The following FANCB variants were observed in gnomAD, a reference collection of about 807,000 sequenced individuals.
FANCB encodes the protein FA complementation group B, also known as Fanconi anemia group B protein.
In FANCB, 5 loss-of-function variants were observed where a neutral mutation model predicts 38.9. The observed-to-expected ratio is 0.13, with a 90% CI of 0.07 to 0.27. The LOEUF (loss-of-function observed/expected upper bound fraction) is 0.27, where lower values mean the gene tolerates loss of function less well. Ranked by LOEUF, FANCB falls within the 10% of genes least tolerant of loss-of-function variation. The pLI, the probability that FANCB is intolerant of heterozygous loss-of-function variation, is 1.00. For missense variants in FANCB, 573 were observed against 602.7 expected, an observed-to-expected ratio of 0.95 and a Z score of 0.52; for synonymous variants, 236 against 215.4, an observed-to-expected ratio of 1.10 and a Z score of -0.84.
At chrX:14,820,766 A>AC in the FANCB span, among the ~76,000 whole-genome samples, 1 of 111,806 alleles carries the variant, frequency 8.9e-6, no homozygotes, top group Admixed American at 9.5e-5. Flanking sequence ...TTTATAAAAA[A>AC]AATTGTATTT....
the FANCB span, among the ~76,000 whole-genome samples, chrX:14,732,211 A>AACTC: frequency 8.9e-6 from 1 of 111,917 alleles, no homozygotes; most frequent in African/African-American, 3.2e-5. Flanking sequence ...AAAGGACATG[A>AACTC]ACTCATCCTT....
chrX:14,799,983 G>A, the FANCB span, among the ~76,000 whole-genome samples: 6 of 111,935 alleles, frequency 5.4e-5, no homozygotes, highest in South Asian at 7.4e-4. Context: ...AGAAGAAAGA[G>A]ATAAATTGAG....
At chrX:14,804,695 G>A in the FANCB span, among the ~76,000 whole-genome samples, 1 of 112,216 alleles carries the variant, frequency 8.9e-6, no homozygotes, top group South Asian at 3.7e-4. Flanking sequence ...AGTGACAGAA[G>A]TGAAAACTTA....
chrX:14,724,626 C>CAAAAAAAAAAAAAAAAAAAAAAAAAAAAA, the FANCB span, among the ~76,000 whole-genome samples: 1 of 49,617 alleles, frequency 2.0e-5, no homozygotes, highest in African/African-American at 8.6e-5. Context: ...AACTCTGTCT[C>CAAAAAAAAAAAAAAAAAAAAAAAAAAAAA]AAAAAAAAAA....
the FANCB span, among the ~76,000 whole-genome samples, chrX:14,771,489 G>A: frequency 4.5e-5 from 5 of 111,487 alleles, no homozygotes; most frequent in Non-Finnish European, 9.4e-5. Flanking sequence ...CCATCAGGTC[G>A]GTTATGTTCC....
chrX:14,730,468 G>A, the FANCB span: 1 of 1,205,967 alleles, frequency 8.3e-7, no homozygotes, highest in Non-Finnish European at 1.1e-6. Context: ...TCGGCATGAA[G>A]ATGTCCACAA....
chrX:14,860,518 C>T (rs1176212926), intron 3 of FANCB, among the ~76,000 whole-genome samples: 2 of 111,765 alleles, frequency 1.8e-5, no homozygotes, highest in African/African-American at 6.5e-5. Flanking sequence ...TAGAATAGTG[C>T]CATCCAATAG....
At chrX:14,779,490 G>A in the FANCB span, among the ~76,000 whole-genome samples, 5 of 111,675 alleles carry the variant, frequency 4.5e-5, no homozygotes, top group East Asian at 8.5e-4. Flanking sequence ...GATTAAGGTC[G>A]TCATAAAAGA....
At chrX:14,780,200 G>C in the FANCB span, among the ~76,000 whole-genome samples, 1 of 110,929 alleles carries the variant, frequency 9.0e-6, no homozygotes, top group African/African-American at 3.4e-5. Context: ...TTTCTAACAT[G>C]AAACAGGAAA....
At chrX:14,755,256 A>T in the FANCB span, among the ~76,000 whole-genome samples, 1 of 111,929 alleles carries the variant, frequency 8.9e-6, no homozygotes, top group Admixed American at 9.5e-5. Flanking sequence ...AAAAGTGTTC[A>T]TTTTCACCAC....
At chrX:14,703,087 G>T in the FANCB span, among the ~76,000 whole-genome samples, 1 of 111,971 alleles carries the variant, frequency 8.9e-6, no homozygotes, top group East Asian at 2.8e-4. Context: ...ATGCAAAGCA[G>T]TCAGGGTCTA....
At chrX:14,777,220 CA>C in the FANCB span, among the ~76,000 whole-genome samples, 3 of 112,062 alleles carry the variant, frequency 2.7e-5, no homozygotes, top group Admixed American at 2.8e-4. Context: ...CGTAAAGATT[CA>C]AAAGCCTCTC....
the FANCB span, among the ~76,000 whole-genome samples, chrX:14,795,768 C>A: frequency 1.8e-5 from 2 of 111,820 alleles, no homozygotes; most frequent in Non-Finnish European, 3.8e-5. Flanking sequence ...ACCATAAACA[C>A]AAGAGAACAG....
chrX:14,772,523 G>A, the FANCB span, among the ~76,000 whole-genome samples: 1 of 112,214 alleles, frequency 8.9e-6, no homozygotes, highest in Admixed American at 9.4e-5. Context: ...CCAGGAACTC[G>A]AACCCTTCTC....
intron 9 of FANCB, 131 bp from the exon 10 acceptor site, chrX:14,844,112 G>A (rs1232869110): frequency 2.5e-5 from 13 of 514,366 alleles, no homozygotes; most frequent in South Asian, 6.8e-5. Context: ...AATTATGTAC[G>A]TGAGCATTGA....
intron 5 of FANCB, among the ~76,000 whole-genome samples, chrX:14,854,758 T>G (rs1338403053): frequency 9.0e-6 from 1 of 111,571 alleles, no homozygotes; most frequent in Non-Finnish European, 1.9e-5. Context: ...CCCATGTAAT[T>G]CCACTCAAAT....
chrX:14,708,976 CAGGAGTT>C, the FANCB span, among the ~76,000 whole-genome samples: 1 of 111,888 alleles, frequency 8.9e-6, no homozygotes, highest in African/African-American at 3.2e-5. Flanking sequence ...GACAGCAACT[CAGGAGTT>C]AAGTCCATTT....
Position 14,843,871 on chromosome X carries a change from A to G in FANCB, c.2276T>C (p.Met759Thr), listed in dbSNP as rs752657026. 4.1e-6 allele frequency: 5 copies of G among 1,208,052 alleles called. No individual in the cohort carries two copies. Among genetic ancestry groups the G allele is most frequent in the South Asian group, 3.5e-5 (2 of 56,517 alleles). ...TAGTTCCTTCTCCAAAGTAAATGCC[A>G]TATTATCAATTAGGAAATTCTCACT... ...SGSENFLIDN[M>T]AFTLEKELVT... Residue 759 changes from methionine to threonine, a missense_variant, in exon 10 of 10, where the codon ATG becomes ACG. Met to Thr is a moderately conservative substitution (Grantham distance 81, BLOSUM62 -1). Transcript: ENST00000650831.
the FANCB span, among the ~76,000 whole-genome samples, chrX:14,791,739 T>C: frequency 8.9e-6 from 1 of 111,945 alleles, no homozygotes; most frequent in African/African-American, 3.2e-5. Context: ...GGAATGCAAA[T>C]GGAATACAAA....
Sources: allele counts gnomAD v4.1 joint callset (sites outside exome capture counted in the v4.1 genomes callset), GRCh38; gene constraint gnomAD v4.1.1; transcripts MANE v1.5; gene names NCBI Gene and HGNC (gene_info 2026-07-23, HGNC 2026-07-21).